PLEKHM3: variants seen among roughly 807,000 people sequenced by gnomAD.
PLEKHM3 encodes the protein pleckstrin homology domain-containing family M member 3.
A neutral mutation model predicts 81.8 loss-of-function variants in PLEKHM3; 45 were observed. The ratio of observed to expected loss-of-function variants is 0.55; its 90% CI spans 0.43 to 0.71. PLEKHM3 has a LOEUF of 0.71. Ranked by LOEUF, PLEKHM3 falls within the 30% of genes least tolerant of loss-of-function variation. The probability of loss-of-function intolerance (pLI) is 0.00; values close to 1 mark genes in which losing one functional copy is unlikely to be tolerated. For missense variants in PLEKHM3, 788 were observed against 924.3 expected, an observed-to-expected ratio of 0.85 and a Z score of 1.91; for synonymous variants, 352 against 356.4, an observed-to-expected ratio of 0.99 and a Z score of 0.14.
intron 7 of PLEKHM3, among the ~76,000 whole-genome samples, chr2:207,853,367 A>C (rs1250008256): frequency 6.6e-6 from 1 of 151,270 alleles, no homozygotes; most frequent in Non-Finnish European, 1.5e-5. Context: ...CAGTGAGCTG[A>C]GATCACGCCA....
In PLEKHM3 at chr2:207,823,794, C is replaced by A. The variant is rs556750402; in HGVS notation, c.*4525G>T. 6.6e-6 allele frequency: 1 copy of A among 152,326 alleles called. No homozygotes were observed. The highest frequency in any genetic ancestry group is 2.4e-5 in the African/African-American group (1 of 41,588). The allele number at this position is 152,326 out of a possible 1,614,324, so 9.4% of individuals were successfully genotyped here. A position where few individuals can be genotyped will look rare whatever the true frequency, so the allele number is the denominator to read the frequency against. On this transcript the variant is annotated 3_prime_UTR_variant, in exon 8 of 8. Transcript: ENST00000427836. Reference sequence around the variant, plus strand: ...ACTACCGGTATGGTTAGGAGGGTATCCCATACTCTTGTCTTTTACCTAGAG... The same window carrying A: ...ACTACCGGTATGGTTAGGAGGGTATACCATACTCTTGTCTTTTACCTAGAG...
chr2:208,024,352 T>C (rs1275667680), intron 1 of PLEKHM3, among the ~76,000 whole-genome samples: 3 of 152,102 alleles, frequency 2.0e-5, no homozygotes, highest in African/African-American at 7.2e-5. Context: ...AACCATGACA[T>C]TGTAAAAATA....
chr2:207,835,217 A>G (rs1203524528), intron 7 of PLEKHM3, among the ~76,000 whole-genome samples: 1 of 152,120 alleles, frequency 6.6e-6, no homozygotes, highest in African/African-American at 2.4e-5. Flanking sequence ...TGCTGGGATT[A>G]CAGGTGTGAG....
intron 2 of PLEKHM3, among the ~76,000 whole-genome samples, chr2:207,993,299 A>G (rs1691959369): frequency 6.6e-6 from 1 of 152,092 alleles, no homozygotes; most frequent in Admixed American, 6.6e-5. Flanking sequence ...TATAAAATCA[A>G]TTTTCTGTGA....
Position 207,827,810 on chromosome 2 carries a change from C to T in PLEKHM3, c.*509G>A, listed in dbSNP as rs1318721235. The stretch of plus-strand genomic sequence containing the variant: ...ACGGACACCAGGTCCTGGAAGGACC[C>T]AGCAGTCTCTTGTGTTTTGAAGGTT... On this transcript the variant is annotated 3_prime_UTR_variant, in exon 8 of 8. Transcript: ENST00000427836. 1 of 152,186 alleles carries T rather than the reference C, an allele frequency of 6.6e-6. No homozygotes were observed. Among genetic ancestry groups the T allele is most frequent in the African/African-American group, 2.4e-5 (1 of 41,432 alleles). The allele number at this position is 152,186 out of a possible 1,614,324, so 9.4% of individuals were successfully genotyped here.
chr2:207,828,064 G>T lies in PLEKHM3; in HGVS notation c.*255C>A. 1 of 253,844 alleles carries T rather than the reference G, an allele frequency of 3.9e-6. No individual in the cohort carries two copies. The allele number at this position is 253,844 out of a possible 1,614,324, so 15.7% of individuals were successfully genotyped here. ...CTGGGAGCAAGCAGCTGAAATTCTT[G>T]GCTAAGTGTAATCCAGCTATTGGTA... On this transcript the variant is annotated 3_prime_UTR_variant, in exon 8 of 8. Coordinates refer to ENST00000427836, the MANE Select transcript of PLEKHM3 (RefSeq NM_001080475.3).
chr2:207,992,874 G>A (rs899788653), intron 2 of PLEKHM3, among the ~76,000 whole-genome samples: 16 of 152,100 alleles, frequency 1.1e-4, no homozygotes, highest in African/African-American at 3.6e-4. Context: ...GACAGCAAAG[G>A]CCCAGGAGCT....
At chr2:208,023,964 G>A (rs1247111777) in intron 1 of PLEKHM3, among the ~76,000 whole-genome samples, 2 of 151,840 alleles carry the variant, frequency 1.3e-5, no homozygotes, top group African/African-American at 2.4e-5. Context: ...GCAACATGGC[G>A]AAACCCTGTC....
intron 5 of PLEKHM3, among the ~76,000 whole-genome samples, chr2:207,924,932 AAGG>A (rs1273404696): frequency 1.3e-5 from 2 of 152,010 alleles, no homozygotes; most frequent in Admixed American, 6.6e-5. Flanking sequence ...GGACAGGGAG[AAGG>A]AGGTCTAGGA....
chr2:207,922,811 C>CAA (rs111562902), intron 5 of PLEKHM3, among the ~76,000 whole-genome samples: 3 of 118,964 alleles, frequency 2.5e-5, no homozygotes, highest in African/African-American at 8.9e-5. Context: ...GACTCCGTCT[C>CAA]AAAAAAAAAA....
chr2:207,887,203 A>G (rs1687910474), intron 6 of PLEKHM3, among the ~76,000 whole-genome samples: 1 of 152,254 alleles, frequency 6.6e-6, no homozygotes, highest in Admixed American at 6.5e-5. Flanking sequence ...GAAAGAACAT[A>G]TGGCTAGAGA....
intron 7 of PLEKHM3, among the ~76,000 whole-genome samples, chr2:207,842,484 C>A (rs369481560): frequency 6.6e-6 from 1 of 152,096 alleles, no homozygotes; most frequent in East Asian, 1.9e-4. Context: ...AATGTATAAA[C>A]TTTTAATAAT....
rs1484934719 is a variant in PLEKHM3 at position 207,943,524 on chromosome 2, T to A, written c.1692+2843A>T. ...AGTGCTACTCCAGTAGGGAGTTAGA[T>A]TCCTGGACTTGCCAAATTCTACTAC... On this transcript the variant is annotated intron_variant, in intron 4 of 7. Coordinates refer to ENST00000427836, the MANE Select transcript of PLEKHM3 (RefSeq NM_001080475.3). 5.9e-5 allele frequency among the ~76,000 whole-genome samples: 9 copies of A among 152,204 alleles called. No individual in the cohort carries two copies. The East Asian group carries it at 1.7e-3, about 29-fold the overall frequency.
At chr2:208,004,621 T>G (rs1692436790) in intron 1 of PLEKHM3, among the ~76,000 whole-genome samples, 2 of 152,166 alleles carry the variant, frequency 1.3e-5, no homozygotes, top group African/African-American at 4.8e-5. Flanking sequence ...CTCTTAAACT[T>G]GCAGACAAGT....
chr2:207,896,338 A>C (rs1037133194), intron 6 of PLEKHM3, among the ~76,000 whole-genome samples: 4 of 151,800 alleles, frequency 2.6e-5, no homozygotes, highest in African/African-American at 9.7e-5. Context: ...AGTGACCTAA[A>C]TGGGCTGTAC....
chr2:208,005,992 C>T (rs1027402879), intron 1 of PLEKHM3, among the ~76,000 whole-genome samples: 2 of 152,146 alleles, frequency 1.3e-5, no homozygotes, highest in African/African-American at 2.4e-5. Context: ...CCTTCCTAGT[C>T]GGTCAGGCTC....
intron 6 of PLEKHM3, among the ~76,000 whole-genome samples, chr2:207,906,092 G>A (rs1055676924): frequency 1.3e-5 from 2 of 152,182 alleles, no homozygotes; most frequent in Non-Finnish European, 2.9e-5. Context: ...ACGTTTGAAA[G>A]GCTCCCTCAA....
At chr2:207,923,905 A>ATATTTTTTT (rs1396762429) in intron 5 of PLEKHM3, among the ~76,000 whole-genome samples, 5 of 28,340 alleles carry the variant, frequency 1.8e-4, no homozygotes, top group Non-Finnish European at 3.2e-4. Context: ...ATATATATAT[A>ATATTTTTTT]TTTTTTTTTT....
Position 207,976,726 on chromosome 2 carries a change from T to A in PLEKHM3, c.1471A>T (p.Thr491Ser). 2 of 1,614,232 alleles carry A rather than the reference T, an allele frequency of 1.2e-6. No individual in the cohort carries two copies. The highest frequency in any genetic ancestry group is 1.7e-6 in the Non-Finnish European group (2 of 1,180,046). Residue 491 changes from threonine (T) to serine (S), a missense_variant, in exon 3 of 8, where the codon ACT (threonine) becomes TCT (serine). Thr to Ser is a moderately conservative substitution (Grantham distance 58). Transcript: ENST00000427836. This position sits in a 1 kb window ranked among gnomAD's most constrained non-coding sequence, Gnocchi z 4.1. Reference sequence around the variant, plus strand: ...GTCAAAATGCTCAGGAAGCTGGTAGTCACAGATTGGCGTTTGTTCTTCCTG... The same window carrying A: ...GTCAAAATGCTCAGGAAGCTGGTAGACACAGATTGGCGTTTGTTCTTCCTG... ...ELRKNKRQSV[T>S]TSFLSILTTL...
Sources: allele counts gnomAD v4.1 joint callset (sites outside exome capture counted in the v4.1 genomes callset), GRCh38; gene constraint gnomAD v4.1.1; non-coding constraint Gnocchi (gnomAD v3.1); transcripts MANE v1.5; gene names NCBI Gene and HGNC (gene_info 2026-07-23, HGNC 2026-07-21).